DOCK6: variants seen among roughly 807,000 people sequenced by gnomAD.
DOCK6 encodes dedicator of cytokinesis 6.
In DOCK6, 167 loss-of-function variants were observed where a neutral mutation model predicts 230.3. That is an observed-to-expected ratio of 0.73 (90% CI 0.64 to 0.82). DOCK6 has a LOEUF of 0.82. DOCK6 is among the 40% of genes least tolerant of loss of function. The pLI, the probability that DOCK6 is intolerant of heterozygous loss-of-function variation, is 0.00. For missense variants in DOCK6, 2,598 were observed against 2,825.8 expected (o/e 0.92, Z 1.83); for synonymous variants, 1,148 against 1,185.0 (o/e 0.97, Z 0.64).
intron 28 of DOCK6, among the ~76,000 whole-genome samples, chr19:11,217,875 G>A (rs564669099): frequency 1.6e-4 from 25 of 151,722 alleles, no homozygotes; most frequent in African/African-American, 5.1e-4. Flanking sequence ...TTTTTGAGAC[G>A]GAGTCTTGCT....
At chr19:11,199,592 A>T in intron 47 of DOCK6, 53 bp from the exon 48 acceptor site, 2 of 1,531,292 alleles carry the variant, frequency 1.3e-6, no homozygotes, top group African/African-American at 2.7e-5. Context: ...CCAACTCCAT[A>T]GACCTCCCAG....
Position 11,222,164 on chromosome 19 carries a change from G to A in DOCK6, c.3325C>T (p.Leu1109=). The A allele has an allele frequency of 6.2e-7, 1 of 1,611,864 alleles. No individual in the cohort carries two copies. The highest frequency in any genetic ancestry group is 8.5e-7 in the Non-Finnish European group (1 of 1,179,130). ...LSGPFRQQHF[L]AGLLLTELAL... ...AGCTCCGTCAGCAGGAGCCCAGCTA[G>A]GAAGTGCTGCTGCCGGAATGGTCCA... The change falls in exon 27 of 48, where the codon CTA becomes TTA. Residue 1109 remains leucine, a synonymous_variant. Transcript: ENST00000294618. The surrounding 1 kb of genome is among the most constrained non-coding windows in gnomAD (Gnocchi z 4.0).
Position 11,242,031 on chromosome 19 carries a change from C to A in DOCK6, c.1643+14G>T. The A allele has an allele frequency of 6.4e-7, 1 of 1,563,888 alleles. No individual in the cohort carries two copies. Among genetic ancestry groups the A allele is most frequent in the South Asian group, 1.2e-5 (1 of 82,604 alleles). Reference sequence around the variant, plus strand: ...CTCCCATTCAAGTGCCCAGCTGGGCCCCAGAGGCCGTACCTGTAGCTGGTA... The same window carrying A: ...CTCCCATTCAAGTGCCCAGCTGGGCACCAGAGGCCGTACCTGTAGCTGGTA... On this transcript the variant is annotated intron_variant, in intron 14 of 47. Coordinates refer to ENST00000294618, the MANE Select transcript of DOCK6 (RefSeq NM_020812.4).
Position 11,217,326 on chromosome 19 carries a change from T to A in DOCK6, c.3616A>T (p.Ile1206Phe). The A allele has an allele frequency of 6.2e-7, 1 of 1,613,516 alleles. No homozygotes were observed. Among genetic ancestry groups the A allele is most frequent in the Non-Finnish European group, 8.5e-7 (1 of 1,179,772 alleles). The change falls in exon 29 of 48, where the codon ATT becomes TTT. Residue 1206 changes from isoleucine (I) to phenylalanine (F), a missense_variant. By Grantham distance (21) the Ile-to-Phe change is conservative. Transcript: ENST00000294618. ...ACAGAGGGGTTGATGGTACCCGCAA[T>A]GTCCCCTTCGCCTTCTGTGTCTGAG... ...LDSDTEGEGDIAGTINPSVAM... is the reference protein window; with the variant it reads ...LDSDTEGEGDFAGTINPSVAM...
chr19:11,237,620 G>A, intron 17 of DOCK6, 21 bp downstream of exon 17: 1 of 1,592,516 alleles, frequency 6.3e-7, no homozygotes, highest in Non-Finnish European at 8.5e-7. Flanking sequence ...CTCAGGGGGA[G>A]GGAGGGAGGG....
At chr19:11,231,456 C>A (rs2079765377) in intron 22 of DOCK6, among the ~76,000 whole-genome samples, 1 of 152,170 alleles carries the variant, frequency 6.6e-6, no homozygotes, top group Non-Finnish European at 1.5e-5. Flanking sequence ...TTTGTTTGAT[C>A]CGTGTCTATT....
At chr19:11,221,676 C>T in intron 28 of DOCK6, 175 bp downstream of exon 28, 1 of 889,466 alleles carries the variant, frequency 1.1e-6, no homozygotes. Context: ...AGGGGAGAAA[C>T]CTGAGGCTCA....
At chr19:11,242,270 G>A in intron 13 of DOCK6, 63 bp from the exon 14 acceptor site, 1 of 1,366,410 alleles carries the variant, frequency 7.3e-7, no homozygotes, top group African/African-American at 1.5e-5. Flanking sequence ...CACCCTTTCT[G>A]GGCTGTGTAG....
In DOCK6 at chr19:11,202,856, C is replaced by T; in HGVS notation, c.5236-147G>A. The T allele has an allele frequency of 7.7e-7, 1 of 1,305,472 alleles. No individual in the cohort carries two copies. Among genetic ancestry groups the T allele is most frequent in the South Asian group, 1.2e-5 (1 of 81,196 alleles). The allele number at this position is 1,305,472 out of a possible 1,614,324, so 80.9% of individuals were successfully genotyped here. A position where few individuals can be genotyped will look rare whatever the true frequency, so the allele number is the denominator to read the frequency against. On this transcript the variant is annotated intron_variant, in intron 41 of 47. Coordinates refer to ENST00000294618, the MANE Select transcript of DOCK6 (RefSeq NM_020812.4). The surrounding 1 kb of genome is among the most constrained non-coding windows in gnomAD (Gnocchi z 5.3). ...GGGCACAGGCAGGGGGCCCTGAGAA[C>T]ATTGGGGCATGGATTGCAATAGGAA...
rs747558579 is a variant in DOCK6, at chr19:11,245,672, A to G, written c.914T>C (p.Met305Thr). The G allele has an allele frequency of 3.7e-6, 6 of 1,609,346 alleles. No homozygotes were observed. The highest frequency in any genetic ancestry group is 1.7e-4 in the Middle Eastern group (1 of 6,042). ...NFYFDLNSDSMKGLLRAHGTH... is the reference protein window; with the variant it reads ...NFYFDLNSDSTKGLLRAHGTH... ...GCCATGAGCCCGAAGCAGCCCCTTC[A>G]TGGAGTCCGAGTTCAGGTCGAAGTA... The change falls in exon 9 of 48, where the codon ATG becomes ACG. Residue 305 changes from methionine (M) to threonine (T), a missense_variant. By Grantham distance (81) the Met-to-Thr change is moderately conservative (BLOSUM62 -1). Transcript: ENST00000294618.
At chr19:11,212,667 A>G (rs1169714680) in intron 35 of DOCK6, among the ~76,000 whole-genome samples, 1 of 147,512 alleles carries the variant, frequency 6.8e-6, no homozygotes, top group Non-Finnish European at 1.5e-5. Flanking sequence ...GGTTCAAGCG[A>G]TTCTCGTGTC....
chr19:11,202,557 G>C lies in DOCK6; in HGVS notation c.5361+27C>G, dbSNP rs1420685055. The C allele has an allele frequency of 6.2e-7, 1 of 1,613,878 alleles. No individual in the cohort carries two copies. The highest frequency in any genetic ancestry group is 1.7e-5 in the Admixed American group (1 of 60,020). ...CAGCCCCAAGGCAGCCCCATGCCCC[G>C]TTCCACCCCCAACCACAAGGACGTG... On this transcript the variant is annotated intron_variant, in intron 42 of 47. Transcript: ENST00000294618. The surrounding 1 kb of genome is among the most constrained non-coding windows in gnomAD (Gnocchi z 5.3).
intron 5 of DOCK6, 177 bp from the exon 6 acceptor site, chr19:11,251,263 C>T: frequency 1.6e-6 from 1 of 628,770 alleles, no homozygotes; most frequent in Non-Finnish European, 2.7e-6. Flanking sequence ...AAACTTCTGT[C>T]TGGAGAGCCT....
In DOCK6 at chr19:11,202,178, A is replaced by G. The variant is rs1006359406; in HGVS notation, c.5452-53T>C. The G allele has an allele frequency of 6.4e-7, 1 of 1,573,688 alleles. No homozygotes were observed. Among genetic ancestry groups the G allele is most frequent in the African/African-American group, 1.3e-5 (1 of 74,128 alleles). On this transcript the variant is annotated intron_variant, in intron 43 of 47. Coordinates refer to ENST00000294618, the MANE Select transcript of DOCK6 (RefSeq NM_020812.4). This position sits in a 1 kb window ranked among gnomAD's most constrained non-coding sequence, Gnocchi z 5.3. ...CCACAGCCCCAGCACGCACAGCCCA[A>G]GCCCTGTTCCTGGAGAGAGGGGATC...
intron 37 of DOCK6, among the ~76,000 whole-genome samples, chr19:11,209,951 CCT>C (rs1405234242): frequency 1.4e-5 from 2 of 142,438 alleles, no homozygotes; most frequent in Non-Finnish European, 3.1e-5. Flanking sequence ...ACCTGTCCAC[CCT>C]CTCACCTGCC....
intron 14 of DOCK6, chr19:11,241,802 C>T (rs1431364513): frequency 1.7e-5 from 26 of 1,499,898 alleles, no homozygotes; most frequent in African/African-American, 2.8e-5. Flanking sequence ...GGGCGCCGGG[C>T]CCCACTTCTG....
intron 32 of DOCK6, among the ~76,000 whole-genome samples, chr19:11,215,004 G>A (rs543171651): frequency 1.9e-4 from 28 of 149,740 alleles, no homozygotes; most frequent in African/African-American, 6.4e-4. Context: ...GTGCAGTGGC[G>A]CGATCTCGGC....
intron 22 of DOCK6, among the ~76,000 whole-genome samples, chr19:11,231,522 A>G (rs1487537953): frequency 2.2e-4 from 33 of 152,188 alleles, no homozygotes; most frequent in Non-Finnish European, 4.4e-5. Context: ...TATCATCCCA[A>G]CAAAATCCCA....
rs1200887335 is a variant in DOCK6 at position 11,199,553 on chromosome 19, G to C, written c.6102-14C>G. 6.4e-7 allele frequency: 1 copy of C among 1,572,296 alleles called. No individual in the cohort carries two copies. The highest frequency in any genetic ancestry group is 1.9e-5 in the Admixed American group (1 of 53,284). On this transcript the variant is annotated splice_polypyrimidine_tract_variant and intron_variant, in intron 47 of 47. Coordinates refer to ENST00000294618, the MANE Select transcript of DOCK6 (RefSeq NM_020812.4). ...TTCAAGGAGTTCCTGGAAAAAGAATGAGGGTGGGTCAGCATGGCCATGGGG... is the reference window on the plus strand; with the variant it reads ...TTCAAGGAGTTCCTGGAAAAAGAATCAGGGTGGGTCAGCATGGCCATGGGG...
Sources: allele counts gnomAD v4.1 joint callset (sites outside exome capture counted in the v4.1 genomes callset), GRCh38; gene constraint gnomAD v4.1.1; non-coding constraint Gnocchi (gnomAD v3.1); transcripts MANE v1.5; gene names NCBI Gene and HGNC (gene_info 2026-07-23, HGNC 2026-07-21).